The following CMIP variants were observed in gnomAD, a reference collection of about 807,000 sequenced individuals.
CMIP encodes C-Maf-inducing protein.
CMIP carries 13 observed loss-of-function variants against 97.3 expected under a neutral mutation model. The ratio of observed to expected loss-of-function variants is 0.13; its 90% CI spans 0.09 to 0.21. The LOEUF (loss-of-function observed/expected upper bound fraction) is 0.21, where lower values mean the gene tolerates loss of function less well. CMIP is among the 10% of genes least tolerant of loss of function. The probability of loss-of-function intolerance (pLI) is 1.00; values close to 1 mark genes in which losing one functional copy is unlikely to be tolerated. For missense variants in CMIP, 847 were observed against 1,024.9 expected (o/e 0.83, Z 2.37); for synonymous variants, 538 against 436.3 (o/e 1.23, Z -2.91).
At chr16:81,540,521 G>A (rs1211802471) in intron 1 of CMIP, among the ~76,000 whole-genome samples, 1 of 152,224 alleles carries the variant, frequency 6.6e-6, no homozygotes. Context: ...GGCAGGGCTT[G>A]AACTCCTGGG....
At chr16:81,485,138 C>T (rs977458506) in intron 1 of CMIP, among the ~76,000 whole-genome samples, 3 of 152,176 alleles carry the variant, frequency 2.0e-5, no homozygotes, top group African/African-American at 7.2e-5. Context: ...ACATCATTTG[C>T]TTGAATAGCT....
chr16:81,532,990 C>T (rs573770319), intron 1 of CMIP, among the ~76,000 whole-genome samples: 2 of 152,276 alleles, frequency 1.3e-5, no homozygotes, highest in South Asian at 4.1e-4. Flanking sequence ...TGCCTGTTGT[C>T]TAAACACCCA....
chr16:81,571,664 G>A (rs2091092065), intron 1 of CMIP, among the ~76,000 whole-genome samples: 1 of 152,048 alleles, frequency 6.6e-6, no homozygotes, highest in Non-Finnish European at 1.5e-5. Context: ...GGCTCACAGG[G>A]GATCTTGGTA....
intron 1 of CMIP, among the ~76,000 whole-genome samples, chr16:81,560,991 G>A (rs2317416): frequency 0.29 from 44,146 of 152,104 alleles, 6,769 homozygotes; most frequent in African/African-American, 0.37. Flanking sequence ...GACAGTCTCC[G>A]TCACCCAGGC....
chr16:81,648,649 G>A (rs979855281), intron 3 of CMIP, among the ~76,000 whole-genome samples: 2 of 151,972 alleles, frequency 1.3e-5, no homozygotes, highest in Non-Finnish European at 2.9e-5. Flanking sequence ...TGGGCATGGT[G>A]GTGCACACCT....
chr16:81,505,644 T>C (rs1034571310), intron 1 of CMIP, among the ~76,000 whole-genome samples: 2 of 152,242 alleles, frequency 1.3e-5, no homozygotes, highest in African/African-American at 2.4e-5. Flanking sequence ...CATTTCCCTC[T>C]TGTAAGCTGG....
At chr16:81,520,569 GGAGAGAGAGAGAGAGA>G (rs10691618) in intron 1 of CMIP, 1 of 106,950 alleles carries the variant, frequency 9.4e-6, no homozygotes, top group Non-Finnish European at 1.8e-5. Context: ...GGAGGAAGGG[GGAGAGAGAGAGAGAGA>G]GAGAGAGAGA....
At chr16:81,560,591 A>G (rs1282651261) in intron 1 of CMIP, among the ~76,000 whole-genome samples, 3 of 152,176 alleles carry the variant, frequency 2.0e-5, no homozygotes, top group Non-Finnish European at 2.9e-5. Flanking sequence ...AGTGTACGGC[A>G]ATGTCTCAGG....
chr16:81,669,043 TCTC>T (rs1281736985), intron 7 of CMIP, among the ~76,000 whole-genome samples: 96 of 104,104 alleles, frequency 9.2e-4, no homozygotes, highest in African/African-American at 1.7e-3. Flanking sequence ...CCCACCACAC[TCTC>T]CTCCTTCCAC....
rs139912000 is a variant in CMIP, at chr16:81,608,038, G to A, written c.426+346G>A. 4.0e-3 allele frequency among the ~76,000 whole-genome samples: 606 copies of A among 152,330 alleles called. 6 individuals are homozygous for A. The highest frequency in any genetic ancestry group is 0.014 in the African/African-American group (583 of 41,574). Reference sequence around the variant, plus strand: ...GTGAGTTGTTAGGCCCAAGAAGGCCGTGAAAAGCAGATGAGCAATAGATAC... The same window carrying A: ...GTGAGTTGTTAGGCCCAAGAAGGCCATGAAAAGCAGATGAGCAATAGATAC... On this transcript the variant is annotated intron_variant, in intron 2 of 20. Transcript: ENST00000537098.
chr16:81,571,720 TAGTG>T (rs1242997619), intron 1 of CMIP, among the ~76,000 whole-genome samples: 1 of 152,036 alleles, frequency 6.6e-6, no homozygotes, highest in Non-Finnish European at 1.5e-5. Flanking sequence ...GGACATGGCT[TAGTG>T]AGCACGTCGT....
At chr16:81,470,278 A>C (rs549385469) in intron 1 of CMIP, among the ~76,000 whole-genome samples, 1 of 152,328 alleles carries the variant, frequency 6.6e-6, no homozygotes, top group Admixed American at 6.5e-5. Flanking sequence ...CCAGCGGTTC[A>C]AGAGGTGCCC....
At chr16:81,646,854 A>T (rs1004610475) in intron 3 of CMIP, among the ~76,000 whole-genome samples, 1 of 152,198 alleles carries the variant, frequency 6.6e-6, no homozygotes, top group African/African-American at 2.4e-5. Flanking sequence ...GCTATACCAC[A>T]TCTTGTTTAT....
chr16:81,671,937 T>C (rs374788647), intron 8 of CMIP, 29 bp from the exon 9 acceptor site: 131 of 1,327,902 alleles, frequency 9.9e-5, no homozygotes, highest in Non-Finnish European at 2.4e-5. Context: ...CCTGCAGGCT[T>C]CTCACCCCAG....
chr16:81,580,806 C>A (rs1025195340), intron 1 of CMIP, among the ~76,000 whole-genome samples: 1 of 152,068 alleles, frequency 6.6e-6, no homozygotes, highest in South Asian at 2.1e-4. Context: ...CAAAAACAAA[C>A]AAACAAGAGC....
At position 81,701,782 on chromosome 16, in the gene CMIP, G is replaced by A. The variant is rs748116216; in HGVS notation, c.1878G>A (p.Gln626=). The change falls in exon 16 of 21, where the codon CAG becomes CAA. Residue 626 remains glutamine (Q), a synonymous_variant. Coordinates refer to ENST00000537098, the MANE Select transcript of CMIP (RefSeq NM_198390.3). ...KRMYEQLCDR[Q]RELKELQRKG... ...TGTACGAGCAGCTGTGTGACCGGCAGCGGGAGCTGAAGGAGCTGGTGAGTC... is the reference window on the plus strand; with the variant it reads ...TGTACGAGCAGCTGTGTGACCGGCAACGGGAGCTGAAGGAGCTGGTGAGTC... 1 of 1,613,718 alleles carries A rather than the reference G, an allele frequency of 6.2e-7. No individual in the cohort carries two copies. Among genetic ancestry groups the A allele is most frequent in the South Asian group, 1.1e-5 (1 of 91,086 alleles).
intron 1 of CMIP, among the ~76,000 whole-genome samples, chr16:81,588,031 C>G (rs2150914458): frequency 6.6e-6 from 1 of 152,288 alleles, no homozygotes; most frequent in East Asian, 1.9e-4. Flanking sequence ...TCTTGCTTCC[C>G]CAGGAACTAC....
intron 1 of CMIP, among the ~76,000 whole-genome samples, chr16:81,446,553 G>A (rs1404820856): frequency 6.6e-6 from 1 of 151,914 alleles, no homozygotes; most frequent in Non-Finnish European, 1.5e-5. Context: ...CATCCTCATT[G>A]GGGGTGTAGC....
At chr16:81,701,615 G>GA in intron 15 of CMIP, 45 bp from the exon 16 acceptor site, 1 of 1,613,250 alleles carries the variant, frequency 6.2e-7, no homozygotes, top group Non-Finnish European at 8.5e-7. Flanking sequence ...TGCTGAGCTA[G>GA]GGTGGCAGGC....
Sources: allele counts gnomAD v4.1 joint callset (sites outside exome capture counted in the v4.1 genomes callset), GRCh38; gene constraint gnomAD v4.1.1; transcripts MANE v1.5; gene names NCBI Gene and HGNC (gene_info 2026-07-23, HGNC 2026-07-21).